The following KIAA1210 variants were observed in gnomAD, a reference collection of about 807,000 sequenced individuals.
KIAA1210 encodes the protein KIAA1210.
In KIAA1210, 48 loss-of-function variants were observed where a neutral mutation model predicts 78.9. The observed-to-expected ratio is 0.61, with a 90% CI of 0.48 to 0.77. The LOEUF is 0.77. KIAA1210 is among the 30% of genes least tolerant of loss of function. The probability of loss-of-function intolerance (pLI) is 0.00; values close to 1 mark genes in which losing one functional copy is unlikely to be tolerated. For synonymous variants in KIAA1210, 406 were observed against 404.5 expected, an observed-to-expected ratio of 1.00 and a Z score of -0.04; for missense variants, 1,108 against 1,100.0, an observed-to-expected ratio of 1.01 and a Z score of -0.10.
At chrX:119,108,616 G>T in intron 4 of KIAA1210, 145 bp from the exon 5 acceptor site, 1 of 736,390 alleles carries the variant, frequency 1.4e-6, no homozygotes, top group Non-Finnish European at 1.9e-6. Context: ...TGTAATCCCA[G>T]CACTTTGAGA....
rs1245070500 is a variant in KIAA1210, at chrX:119,124,813, C to A, written c.-10-1161G>T. On this transcript the variant is annotated intron_variant, in intron 1 of 11. Coordinates refer to ENST00000691062, the MANE Select transcript of KIAA1210 (RefSeq NM_001394962.1). ...CTGAGGCGGGAGGATCACTTGAACC[C>A]AGGAGATTGAGGCCGTAGTCAGCCA... Among the ~76,000 whole-genome samples the A allele has an allele frequency of 2.7e-5, 3 of 109,331 alleles. No individual in the cohort carries two copies. In the Admixed American group the frequency reaches 2.9e-4, roughly 11 times the overall value. The allele number at this position is 109,331 out of a possible 115,157, so 94.9% of individuals were successfully genotyped here. A position where few individuals can be genotyped will look rare whatever the true frequency, so the allele number is the denominator to read the frequency against.
At chrX:119,111,195 T>C (rs958821198) in intron 3 of KIAA1210, among the ~76,000 whole-genome samples, 14 of 111,827 alleles carry the variant, frequency 1.3e-4, no homozygotes, top group African/African-American at 4.2e-4. Context: ...GAAAAAAGAA[T>C]AGTCTCTTCA....
intron 1 of KIAA1210, among the ~76,000 whole-genome samples, chrX:119,125,646 G>A (rs1928605775): frequency 1.1e-5 from 1 of 91,951 alleles, no homozygotes; most frequent in East Asian, 3.5e-4. Flanking sequence ...CTTGGCTGAA[G>A]AGATCCTCCC....
chrX:119,105,938 C>T lies in KIAA1210; in HGVS notation c.493-791G>A, dbSNP rs180818620. On this transcript the variant is annotated intron_variant, in intron 5 of 11. Transcript: ENST00000691062. ...CCAAGAATCTGCAATGCATTACACC[C>T]CATTCCAGGAAATGGGCCTACAACA... Among the ~76,000 whole-genome samples the T allele has an allele frequency of 3.6e-3, 407 of 111,835 alleles. 1 individual carries two copies. The highest frequency in any genetic ancestry group is 0.012 in the African/African-American group (384 of 30,750).
intron 7 of KIAA1210, 92 bp downstream of exon 7, chrX:119,096,402 C>T (rs531142745): frequency 3.5e-6 from 3 of 853,571 alleles, no homozygotes; most frequent in South Asian, 5.4e-5. Context: ...GAGTCTCCTA[C>T]ACCATACTAT....
chrX:119,090,178 CTT>C lies in KIAA1210; in HGVS notation c.956-434_956-433del, dbSNP rs150584772. Among the ~76,000 whole-genome samples the C allele has an allele frequency of 3.2e-3, 303 of 95,128 alleles. 1 individual carries two copies. Among genetic ancestry groups the C allele is most frequent in the African/African-American group, 9.8e-3 (251 of 25,586 alleles). The allele number at this position is 95,128 out of a possible 115,157, so 82.6% of individuals were successfully genotyped here. ...AATTTCATATCATGTGCATGTATTG[CTT>C]TTTTTTTTTTTTTGAGACAGAATCT... On this transcript the variant is annotated intron_variant, in intron 8 of 11. Transcript: ENST00000691062.
In KIAA1210 at chrX:119,134,912, T is replaced by C. The variant is rs1928876981; in HGVS notation, c.411-11260A>G. ...GTGAGGGGCAATTAATATTATGCAATTAATCCAACTAATGAAATTGCTGAG... is the reference window on the plus strand; with the variant it reads ...GTGAGGGGCAATTAATATTATGCAACTAATCCAACTAATGAAATTGCTGAG... On this transcript the variant is annotated intron_variant, in intron 2 of 13. Transcript: ENST00000402510. Among the ~76,000 whole-genome samples, 3 of 112,677 alleles carry C rather than the reference T, an allele frequency of 2.7e-5. No individual in the cohort carries two copies. The South Asian group carries it at 1.1e-3, about 42-fold the overall frequency.
At chrX:119,097,658 G>C (rs1927597669) in intron 6 of KIAA1210, among the ~76,000 whole-genome samples, 1 of 112,003 alleles carries the variant, frequency 8.9e-6, no homozygotes, top group Non-Finnish European at 1.9e-5. Flanking sequence ...TGCCTTCATG[G>C]TTCCCACCAC....
Position 119,093,585 on chromosome X carries a change from T to C in KIAA1210, c.955+82A>G, listed in dbSNP as rs1490103172. On this transcript the variant is annotated intron_variant, in intron 8 of 11. Coordinates refer to ENST00000691062, the MANE Select transcript of KIAA1210 (RefSeq NM_001394962.1). ...CAAGGGCAGCAGTCTTGGGTAGTTC[T>C]TGGGTATAGCTCCTATCAACATAGC... is the stretch of plus-strand genomic sequence containing the variant. 10 of 676,099 alleles carry C rather than the reference T, an allele frequency of 1.5e-5. No individual in the cohort carries two copies. In the East Asian group the frequency reaches 2.7e-4, roughly 18 times the overall value. 55.7% of individuals were successfully genotyped at this position (676,099 alleles called of 1,213,427 possible). A position where few individuals can be genotyped will look rare whatever the true frequency, so the allele number is the denominator to read the frequency against.
At chrX:119,150,230 G>T in intron 1 of KIAA1210, 6 of 1,103,253 alleles carry the variant, frequency 5.4e-6, no homozygotes, top group Non-Finnish European at 7.3e-6. Flanking sequence ...TCCCTTCTCA[G>T]ACTTGAGTCA....
At chrX:119,118,877 G>A (rs1928357462) in intron 2 of KIAA1210, among the ~76,000 whole-genome samples, 1 of 112,399 alleles carries the variant, frequency 8.9e-6, no homozygotes, top group Non-Finnish European at 1.9e-5. Context: ...AGAAGTTATA[G>A]CTCCCTATGT....
chrX:119,099,728 G>A (rs1447633393), intron 6 of KIAA1210, among the ~76,000 whole-genome samples: 1 of 111,838 alleles, frequency 8.9e-6, no homozygotes, highest in East Asian at 2.8e-4. Context: ...AAATCACCTG[G>A]AATGAGTGTT....
upstream of KIAA1210, among the ~76,000 whole-genome samples, chrX:119,130,574 CA>C (rs1209898855): frequency 8.9e-6 from 1 of 112,532 alleles, no homozygotes; most frequent in Non-Finnish European, 1.9e-5. Context: ...TGGATGAATG[CA>C]GGGGGTGGAG....
intron 7 of KIAA1210, chrX:119,093,977 C>A: frequency 1.8e-6 from 2 of 1,099,613 alleles, no homozygotes; most frequent in Non-Finnish European, 2.5e-6. Context: ...CCTTGGGGAT[C>A]ATTTTACCTA....
Position 119,105,106 on chromosome X carries a change from A to C in KIAA1210, c.534T>G (p.Pro178=). ...TAGAAATTATTTCAGGTTGGATAAC[A>C]GGTGGGATGATGCTGAGTCGGCGTC... ...SRRRRLSIIP[P]VIQPEIISKN... is the part of the protein sequence containing the mutation. The change falls in exon 6 of 12, where the codon CCT becomes CCG. Residue 178 remains proline (P), a synonymous_variant. Coordinates refer to ENST00000691062, the MANE Select transcript of KIAA1210 (RefSeq NM_001394962.1). 8.3e-7 allele frequency: 1 copy of C among 1,210,047 alleles called. No individual in the cohort carries two copies.
intron 2 of KIAA1210, among the ~76,000 whole-genome samples, chrX:119,139,607 G>A (rs2147198807): frequency 8.9e-6 from 1 of 111,826 alleles, no homozygotes; most frequent in South Asian, 3.8e-4. Flanking sequence ...GTAATGACCT[G>A]TGTTCCCTGC....
At chrX:119,137,602 T>C (rs1347901202) in intron 2 of KIAA1210, among the ~76,000 whole-genome samples, 1 of 112,986 alleles carries the variant, frequency 8.9e-6, no homozygotes, top group Non-Finnish European at 1.9e-5. Flanking sequence ...CCATGGCTCC[T>C]GTGCCGCATG....
In KIAA1210 at chrX:119,081,266, C is replaced by CAAA. The variant is rs10714793; in HGVS notation, c.*60_*62dup. 922 of 557,051 alleles carry CAAA rather than the reference C, an allele frequency of 1.7e-3. No homozygotes were observed. Among genetic ancestry groups the CAAA allele is most frequent in the African/African-American group, 4.4e-3 (94 of 21,562 alleles). The allele number at this position is 557,051 out of a possible 1,213,427, so 45.9% of individuals were successfully genotyped here. ...TGGGTAACAGAGCGAGACTCTGTCT[C>CAAA]AAAAAAAAAAAAAAAAAAAAAAACT... On this transcript the variant is annotated 3_prime_UTR_variant, in exon 12 of 12. Coordinates refer to ENST00000691062, the MANE Select transcript of KIAA1210 (RefSeq NM_001394962.1).
intron 3 of KIAA1210, among the ~76,000 whole-genome samples, chrX:119,114,035 T>C (rs944142142): frequency 8.9e-6 from 1 of 111,744 alleles, no homozygotes; most frequent in Non-Finnish European, 1.9e-5. Context: ...AAATAAACTT[T>C]AAAATGTTTA....
Sources: gnomAD v4.1 joint callset for allele counts (sites outside exome capture counted in the v4.1 genomes callset) on GRCh38, gnomAD v4.1.1 for gene constraint, MANE v1.5 for transcripts, NCBI Gene and HGNC (gene_info 2026-07-23, HGNC 2026-07-21) for gene names.